The following ZPBP variants were observed in gnomAD, a reference collection of about 807,000 sequenced individuals.
The protein encoded by ZPBP is zona pellucida binding protein, also known as zona pellucida-binding protein 1.
Under a neutral mutation model 44.8 loss-of-function variants are expected in ZPBP, and 26 were observed. That is an observed-to-expected ratio of 0.58 (90% confidence interval 0.43 to 0.81). The LOEUF (loss-of-function observed/expected upper bound fraction) is 0.81, where lower values mean the gene tolerates loss of function less well. Among genes scored for constraint, ZPBP ranks in the 30% least tolerant of loss-of-function variants. The probability of loss-of-function intolerance (pLI) is 0.00; values close to 1 mark genes in which losing one functional copy is unlikely to be tolerated. For missense variants in ZPBP, 409 were observed against 434.0 expected (o/e 0.94, Z 0.51); for synonymous variants, 174 against 153.2 (o/e 1.14, Z -1.00).
At chr7:49,858,869 T>C (rs1190891229) in intron 2 of ZPBP, among the ~76,000 whole-genome samples, 2 of 152,238 alleles carry the variant, frequency 1.3e-5, no homozygotes, top group African/African-American at 4.8e-5. Context: ...ATTTAAAAAC[T>C]TACCTTGTTT....
intron 4 of ZPBP, among the ~76,000 whole-genome samples, chr7:50,050,155 T>C (rs1448527253): frequency 1.3e-5 from 2 of 152,060 alleles, no homozygotes; most frequent in Non-Finnish European, 2.9e-5. Context: ...AGACACAGTA[T>C]AGGAAGGATG....
In ZPBP at chr7:49,967,378, T is replaced by C. The variant is rs139136381; in HGVS notation, c.961+15964A>G. On this transcript the variant is annotated intron_variant, in intron 7 of 7. Transcript: ENST00000046087. Reference sequence around the variant, plus strand: ...CTTGTTTTCTAGGATCATATATCCATAGATGGAGAAGAACTTTGCACCAAA... The same window carrying C: ...CTTGTTTTCTAGGATCATATATCCACAGATGGAGAAGAACTTTGCACCAAA... Among the ~76,000 whole-genome samples the C allele has an allele frequency of 6.0e-3, 913 of 152,264 alleles. 4 individuals carry two copies. The highest frequency in any genetic ancestry group is 0.021 in the African/African-American group (867 of 41,536).
intron 2 of ZPBP, among the ~76,000 whole-genome samples, chr7:49,885,447 T>C (rs1436532360): frequency 1.3e-5 from 2 of 151,658 alleles, no homozygotes; most frequent in Non-Finnish European, 3.0e-5. Context: ...ATTGCACTTA[T>C]TGATACAGAT....
At chr7:50,062,097 C>T (rs1421666965) in intron 3 of ZPBP, among the ~76,000 whole-genome samples, 1 of 152,040 alleles carries the variant, frequency 6.6e-6, no homozygotes, top group Non-Finnish European at 1.5e-5. Context: ...GAATAAAATA[C>T]CTAGGAATAC....
chr7:49,999,128 A>G (rs756343105), intron 6 of ZPBP, among the ~76,000 whole-genome samples: 6 of 152,092 alleles, frequency 3.9e-5, no homozygotes, highest in Non-Finnish European at 7.4e-5. Context: ...CATTTTGGGT[A>G]AGGGATACTC....
chr7:50,020,283 A>C (rs1320730748), intron 5 of ZPBP, among the ~76,000 whole-genome samples: 1 of 152,108 alleles, frequency 6.6e-6, no homozygotes, highest in Non-Finnish European at 1.5e-5. Context: ...TACAAGTTTA[A>C]GGCAATTTTT....
chr7:49,980,308 T>G (rs1213564523), intron 7 of ZPBP, among the ~76,000 whole-genome samples: 108 of 82,472 alleles, frequency 1.3e-3, no homozygotes, highest in Admixed American at 2.6e-3. Context: ...ATATATATAA[T>G]ATAAATATAT....
chr7:49,952,368 A>T (rs1795383059), intron 7 of ZPBP, among the ~76,000 whole-genome samples: 1 of 152,048 alleles, frequency 6.6e-6, no homozygotes. Context: ...AGTGGATTTA[A>T]TGAATGACAT....
chr7:50,005,457 T>C (rs1448824327), intron 6 of ZPBP, among the ~76,000 whole-genome samples: 1 of 152,050 alleles, frequency 6.6e-6, no homozygotes, highest in Non-Finnish European at 1.5e-5. Flanking sequence ...ACACACAGAA[T>C]ATGAAATTGT....
downstream of ZPBP, among the ~76,000 whole-genome samples, chr7:49,934,188 C>A (rs1794550972): frequency 6.6e-6 from 1 of 152,094 alleles, no homozygotes; most frequent in Admixed American, 6.5e-5. Flanking sequence ...GGGCTTCATC[C>A]TCAAGCTGGT....
intron 2 of ZPBP, among the ~76,000 whole-genome samples, chr7:50,087,757 T>A (rs1802740271): frequency 6.6e-6 from 1 of 151,920 alleles, no homozygotes; most frequent in South Asian, 2.1e-4. Flanking sequence ...CTATAAAATA[T>A]AATTGAGGGA....
At chr7:49,893,200 A>T (rs1249818427) in intron 2 of ZPBP, among the ~76,000 whole-genome samples, 5 of 152,144 alleles carry the variant, frequency 3.3e-5, no homozygotes, top group Non-Finnish European at 7.3e-5. Flanking sequence ...CATATGATAA[A>T]TCAACTTGAA....
intron 7 of ZPBP, among the ~76,000 whole-genome samples, chr7:49,969,522 A>AC (rs1183227437): frequency 2.0e-5 from 3 of 149,128 alleles, no homozygotes; most frequent in Non-Finnish European, 4.5e-5. Context: ...AAAAAAAAAA[A>AC]CACATAAGAA....
intron 3 of ZPBP, among the ~76,000 whole-genome samples, chr7:50,079,287 G>T (rs1396386783): frequency 6.6e-6 from 1 of 151,450 alleles, no homozygotes; most frequent in Admixed American, 6.6e-5. Context: ...TAATGCTTTT[G>T]TTTTCCCATT....
intron 2 of ZPBP, among the ~76,000 whole-genome samples, chr7:49,887,534 A>ATTC (rs10680582): frequency 0.77 from 116,778 of 151,826 alleles, 45,149 homozygotes; most frequent in East Asian, 0.88. Flanking sequence ...ACCATGCTGT[A>ATTC]TTCTTAAATG....
intron 2 of ZPBP, among the ~76,000 whole-genome samples, chr7:49,856,823 C>T (rs1462870199): frequency 6.6e-6 from 1 of 151,826 alleles, no homozygotes; most frequent in Non-Finnish European, 1.5e-5. Flanking sequence ...TCCTGGCTAA[C>T]ACGGTGAAAC....
intron 7 of ZPBP, among the ~76,000 whole-genome samples, chr7:49,941,071 G>A (rs1197650818): frequency 6.6e-6 from 1 of 152,074 alleles, no homozygotes; most frequent in Non-Finnish European, 1.5e-5. Flanking sequence ...CTAAGCGTAA[G>A]AGAAAAACAA....
At chr7:50,031,979 T>A (rs990776403) in intron 4 of ZPBP, among the ~76,000 whole-genome samples, 1 of 152,182 alleles carries the variant, frequency 6.6e-6, no homozygotes, top group Non-Finnish European at 1.5e-5. Flanking sequence ...TTGCTACTTC[T>A]GTCAAACAAG....
At chr7:50,047,620 G>A in intron 4 of ZPBP, among the ~76,000 whole-genome samples, 1 of 148,806 alleles carries the variant, frequency 6.7e-6, no homozygotes, top group African/African-American at 2.5e-5. Flanking sequence ...ACTAGGGACT[G>A]AGTATAGCAC....
Sources: gnomAD v4.1 joint callset for allele counts (sites outside exome capture counted in the v4.1 genomes callset) on GRCh38, gnomAD v4.1.1 for gene constraint, MANE v1.5 for transcripts, NCBI Gene and HGNC (gene_info 2026-07-23, HGNC 2026-07-21) for gene names.